PACSIN1: variants seen among roughly 807,000 people sequenced by gnomAD.
PACSIN1 encodes the protein protein kinase C and casein kinase substrate in neurons protein 1.
In PACSIN1, 15 loss-of-function variants were observed where a neutral mutation model predicts 59.5. That is an observed-to-expected ratio of 0.25 (90% CI 0.17 to 0.39). The LOEUF (loss-of-function observed/expected upper bound fraction) is 0.39, where lower values mean the gene tolerates loss of function less well. Among genes scored for constraint, PACSIN1 ranks in the 10% least tolerant of loss-of-function variants. The probability of loss-of-function intolerance (pLI) is 1.00; values close to 1 mark genes in which losing one functional copy is unlikely to be tolerated. For synonymous variants in PACSIN1, 210 were observed against 220.6 expected, an observed-to-expected ratio of 0.95 and a Z score of 0.42; for missense variants, 420 against 580.2, an observed-to-expected ratio of 0.72 and a Z score of 2.84.
In PACSIN1 at chr6:34,515,277, G is replaced by T. The variant is rs1767272004; in HGVS notation, c.-63-10966G>T. Among the ~76,000 whole-genome samples, 1 of 152,196 alleles carries T rather than the reference G, an allele frequency of 6.6e-6. No homozygotes were observed. Among genetic ancestry groups the T allele is most frequent in the Non-Finnish European group, 1.5e-5 (1 of 68,032 alleles). ...GAACCTTGATCCTCCTCATCAGGGGGACTGTCCCTGTTGCCTTTCCTCCTC... is the reference window on the plus strand; with the variant it reads ...GAACCTTGATCCTCCTCATCAGGGGTACTGTCCCTGTTGCCTTTCCTCCTC... On this transcript the variant is annotated intron_variant, in intron 1 of 9. Coordinates refer to ENST00000244458, the MANE Select transcript of PACSIN1 (RefSeq NM_020804.5). This position sits in a 1 kb window ranked among gnomAD's most constrained non-coding sequence, Gnocchi z 4.4.
Position 34,485,051 on chromosome 6 carries a change from G to C in PACSIN1, c.-64+18781G>C, listed in dbSNP as rs1212588246. On this transcript the variant is annotated intron_variant, in intron 1 of 9. Coordinates refer to ENST00000244458, the MANE Select transcript of PACSIN1 (RefSeq NM_020804.5). Reference sequence around the variant, plus strand: ...GACTCAGGGAAGAGGAAGCACAGGGGGTCTGGAGTGGAGTGAGGCGTGGGG... The same window carrying C: ...GACTCAGGGAAGAGGAAGCACAGGGCGTCTGGAGTGGAGTGAGGCGTGGGG... The C allele has an allele frequency of 2.6e-5, 4 of 152,324 alleles. No individual in the cohort carries two copies. The East Asian group carries it at 7.7e-4, about 29-fold the overall frequency. The allele number at this position is 152,324 out of a possible 1,614,324, so 9.4% of individuals were successfully genotyped here.
chr6:34,526,405 C>T, intron 2 of PACSIN1, 37 bp downstream of exon 2: 3 of 1,577,626 alleles, frequency 1.9e-6, no homozygotes, highest in Non-Finnish European at 2.6e-6. Context: ...GGGGACCAGA[C>T]AGCCTGGCTG....
chr6:34,523,023 C>T (rs536500540), intron 1 of PACSIN1, among the ~76,000 whole-genome samples: 1 of 152,222 alleles, frequency 6.6e-6, no homozygotes, highest in African/African-American at 2.4e-5. Context: ...CACAGGCATA[C>T]CCGGAAATAA....
chr6:34,526,400 C>G (rs1767482769), intron 2 of PACSIN1, 32 bp downstream of exon 2: 5 of 1,589,382 alleles, frequency 3.1e-6, no homozygotes, highest in Non-Finnish European at 4.3e-6. Context: ...GGTTCGGGGA[C>G]CAGACAGCCT....
rs1767253642 is a variant in PACSIN1, at chr6:34,514,488, ACC to A, written c.-63-11753_-63-11752del. ...ATGATTAAACAAATAGAAATGCTTC[ACC>A]CAGCAGCAAGCGCTTAGATTTTAAG... On this transcript the variant is annotated intron_variant, in intron 1 of 9. Transcript: ENST00000244458. This position sits in a 1 kb window ranked among gnomAD's most constrained non-coding sequence, Gnocchi z 4.4. Among the ~76,000 whole-genome samples, 1 of 152,124 alleles carries A rather than the reference ACC, an allele frequency of 6.6e-6. No homozygotes were observed. The highest frequency in any genetic ancestry group is 1.5e-5 in the Non-Finnish European group (1 of 68,026).
chr6:34,528,974 C>T (rs529590246), intron 4 of PACSIN1, 97 bp downstream of exon 4: 198 of 935,930 alleles, frequency 2.1e-4, no homozygotes, highest in South Asian at 1.4e-3. Context: ...GTGGGCTGGG[C>T]ACTGCCCTCT....
intron 1 of PACSIN1, among the ~76,000 whole-genome samples, chr6:34,477,212 C>T (rs972938964): frequency 2.0e-5 from 3 of 151,950 alleles, no homozygotes; most frequent in South Asian, 2.1e-4. Flanking sequence ...ATGTCCAGGC[C>T]GGGCATGGTT....
chr6:34,498,903 T>C (rs2127257121), intron 1 of PACSIN1, among the ~76,000 whole-genome samples: 1 of 152,132 alleles, frequency 6.6e-6, no homozygotes, highest in South Asian at 2.1e-4. Flanking sequence ...CCCAGCGTTT[T>C]TGGCACCGGG....
intron 1 of PACSIN1, among the ~76,000 whole-genome samples, chr6:34,510,440 C>A (rs7738515): frequency 1.4e-3 from 207 of 152,320 alleles, no homozygotes; most frequent in African/African-American, 4.7e-3. Context: ...CGTTTGCCAC[C>A]TCTCTCTGTC....
intron 1 of PACSIN1, among the ~76,000 whole-genome samples, chr6:34,492,247 G>T (rs1375680276): frequency 7.3e-6 from 1 of 137,656 alleles, no homozygotes; most frequent in East Asian, 2.1e-4. Context: ...TGTTGCCCAG[G>T]CTGGAGTGCA....
intron 1 of PACSIN1, among the ~76,000 whole-genome samples, chr6:34,512,547 G>C (rs1025911028): frequency 2.6e-5 from 4 of 152,204 alleles, no homozygotes; most frequent in African/African-American, 9.7e-5. Flanking sequence ...TGGGCGCCGG[G>C]AGTCCCCACC....
chr6:34,468,226 C>T (rs1002020934), intron 1 of PACSIN1, among the ~76,000 whole-genome samples: 7 of 152,210 alleles, frequency 4.6e-5, no homozygotes, highest in African/African-American at 1.4e-4. Flanking sequence ...GAGGAAGAGG[C>T]TGCCAACAAG....
At chr6:34,477,550 A>G (rs946959913) in intron 1 of PACSIN1, among the ~76,000 whole-genome samples, 1 of 152,106 alleles carries the variant, frequency 6.6e-6, no homozygotes, top group African/African-American at 2.4e-5. Flanking sequence ...TGGCCATCTC[A>G]TCTTTACTGC....
chr6:34,531,568 C>T lies in PACSIN1; in HGVS notation c.1038-32C>T. On this transcript the variant is annotated intron_variant, in intron 8 of 9. Transcript: ENST00000244458. The surrounding 1 kb of genome is among the most constrained non-coding windows in gnomAD (Gnocchi z 4.4). ...GCCCTCGGGATGCGGTACGGGGAGACATTGAAGCTGGCTCCTTCCTCCGCG... is the reference window on the plus strand; with the variant it reads ...GCCCTCGGGATGCGGTACGGGGAGATATTGAAGCTGGCTCCTTCCTCCGCG... 1 of 1,608,368 alleles carries T rather than the reference C, an allele frequency of 6.2e-7. No homozygotes were observed. The highest frequency in any genetic ancestry group is 8.5e-7 in the Non-Finnish European group (1 of 1,176,342).
At chr6:34,502,836 C>T (rs1353727278) in intron 1 of PACSIN1, among the ~76,000 whole-genome samples, 1 of 152,152 alleles carries the variant, frequency 6.6e-6, no homozygotes, top group Non-Finnish European at 1.5e-5. Flanking sequence ...CAGCTGAGCC[C>T]AGTCAATCCA....
intron 1 of PACSIN1, among the ~76,000 whole-genome samples, chr6:34,478,101 C>T (rs1330781034): frequency 2.0e-5 from 3 of 148,156 alleles, no homozygotes; most frequent in African/African-American, 7.5e-5. Flanking sequence ...GCTCTGACGC[C>T]CAGGCTGGAG....
chr6:34,485,035 A>G (rs932932086), intron 1 of PACSIN1: 1 of 152,056 alleles, frequency 6.6e-6, no homozygotes, highest in Non-Finnish European at 1.5e-5. Context: ...CGACTCAGGG[A>G]AGAGGAAGCA....
chr6:34,480,143 T>C (rs1392200215), intron 1 of PACSIN1, among the ~76,000 whole-genome samples: 1 of 151,360 alleles, frequency 6.6e-6, no homozygotes, highest in Non-Finnish European at 1.5e-5. Flanking sequence ...TTTGTTCTCT[T>C]TTTAAATTAA....
rs906609225 is a variant in PACSIN1 at position 34,514,268 on chromosome 6, T to C, written c.-63-11975T>C. On this transcript the variant is annotated intron_variant, in intron 1 of 9. Transcript: ENST00000244458. The surrounding 1 kb of genome is among the most constrained non-coding windows in gnomAD (Gnocchi z 4.4). ...TGTGGGAGAAGTGTCGGAACTGGCA[T>C]CACAAGGTCTCGGTGCCGACAGCTA... 4.0e-5 allele frequency among the ~76,000 whole-genome samples: 6 copies of C among 151,842 alleles called. No homozygotes were observed. Among genetic ancestry groups the C allele is most frequent in the Non-Finnish European group, 7.4e-5 (5 of 67,970 alleles).
Sources: gnomAD v4.1 joint callset for allele counts (sites outside exome capture counted in the v4.1 genomes callset) on GRCh38, gnomAD v4.1.1 for gene constraint, Gnocchi (gnomAD v3.1) non-coding constraint, MANE v1.5 for transcripts, NCBI Gene and HGNC (gene_info 2026-07-23, HGNC 2026-07-21) for gene names.